GPC5: variants seen among roughly 807,000 people sequenced by gnomAD.
GPC5 encodes glypican-5.
GPC5 carries 47 observed loss-of-function variants against 53.9 expected under a neutral mutation model. The observed-to-expected ratio is 0.87, with a 90% CI of 0.69 to 1.11. GPC5 has a LOEUF of 1.11. Among genes scored for constraint, GPC5 ranks in the 50% most tolerant of loss-of-function variants. GPC5 has a pLI of 0.00. For synonymous variants in GPC5, 286 were observed against 263.3 expected (o/e 1.09, Z -0.84); for missense variants, 748 against 713.1 (o/e 1.05, Z -0.56).
rs139792115 is a variant in GPC5 at position 92,778,227 on chromosome 13, T to TTA, written c.1562-88047_1562-88046dup. ...TCTGAGTGACAACTTTTTAATTATA[T>TTA]TATATATATGTTTTATAAAGAATGC... is the stretch of plus-strand genomic sequence containing the variant. On this transcript the variant is annotated intron_variant, in intron 7 of 7. Coordinates refer to ENST00000377067, the MANE Select transcript of GPC5 (RefSeq NM_004466.6). Among the ~76,000 whole-genome samples, 1,503 of 152,136 alleles carry TTA rather than the reference T, an allele frequency of 9.9e-3. 25 individuals carry two copies. The highest frequency in any genetic ancestry group is 0.035 in the African/African-American group (1,449 of 41,506).
chr13:92,145,059 G>T, intron 7 of GPC5, 70 bp downstream of exon 7: 1 of 1,176,072 alleles, frequency 8.5e-7, no homozygotes, highest in Non-Finnish European at 1.1e-6. Context: ...ATATTGTTAT[G>T]GATGTAAAGA....
chr13:92,084,030 C>T (rs9589422), intron 6 of GPC5, among the ~76,000 whole-genome samples: 8,190 of 152,206 alleles, frequency 0.054, 723 homozygotes, highest in African/African-American at 0.19. Flanking sequence ...GAACAGAAAA[C>T]CAAACACAGC....
rs554311252 is a variant in GPC5, at chr13:92,663,829, C to T, written c.1562-202453C>T. On this transcript the variant is annotated intron_variant, in intron 7 of 7. Coordinates refer to ENST00000377067, the MANE Select transcript of GPC5 (RefSeq NM_004466.6). ...TATATACACACTATATATATATACACACACTATATATATATACACACACAC... is the reference window on the plus strand; with the variant it reads ...TATATACACACTATATATATATACATACACTATATATATATACACACACAC... Among the ~76,000 whole-genome samples the T allele has an allele frequency of 1.2e-4, 16 of 128,690 alleles. No homozygotes were observed. In the East Asian group the frequency reaches 2.9e-3, roughly 23 times the overall value. The allele number at this position is 128,690 out of a possible 152,430, so 84.4% of individuals were successfully genotyped here.
At chr13:92,182,839 A>G (rs1306863890) in intron 7 of GPC5, among the ~76,000 whole-genome samples, 1 of 151,822 alleles carries the variant, frequency 6.6e-6, no homozygotes, top group African/African-American at 2.4e-5. Flanking sequence ...ACTGCACTCC[A>G]GCCTGGGCAA....
chr13:91,719,373 G>GT (rs1393641127), intron 3 of GPC5, among the ~76,000 whole-genome samples: 1 of 152,200 alleles, frequency 6.6e-6, no homozygotes, highest in Non-Finnish European at 1.5e-5. Context: ...TTACTTTCCT[G>GT]TTTATACCAG....
At chr13:92,484,273 A>G (rs1879470714) in intron 7 of GPC5, among the ~76,000 whole-genome samples, 1 of 152,182 alleles carries the variant, frequency 6.6e-6, no homozygotes, top group Non-Finnish European at 1.5e-5. Flanking sequence ...CATGTATGAT[A>G]ACAACGACTC....
intron 7 of GPC5, among the ~76,000 whole-genome samples, chr13:92,317,743 C>G (rs2043189166): frequency 6.6e-6 from 1 of 152,108 alleles, no homozygotes; most frequent in Admixed American, 6.6e-5. Flanking sequence ...CTCAAATGAT[C>G]CACCGCCTCA....
intron 3 of GPC5, among the ~76,000 whole-genome samples, chr13:91,726,229 T>C (rs1456838756): frequency 6.6e-6 from 1 of 152,224 alleles, no homozygotes; most frequent in Non-Finnish European, 1.5e-5. Context: ...CCGGCCCTGT[T>C]GACTTTGCCT....
rs79010411 is a variant in GPC5 at position 91,942,450 on chromosome 13, T to C, written c.1401+34393T>C. Among the ~76,000 whole-genome samples, 674 of 152,210 alleles carry C rather than the reference T, an allele frequency of 4.4e-3. 3 individuals are homozygous for C. The highest frequency in any genetic ancestry group is 6.2e-3 in the Non-Finnish European group (420 of 67,926). On this transcript the variant is annotated intron_variant, in intron 6 of 7. Coordinates refer to ENST00000377067, the MANE Select transcript of GPC5 (RefSeq NM_004466.6). The stretch of plus-strand genomic sequence containing the variant: ...GAACAGGTCTTATATCAAACCTTTC[T>C]GATTAATTCTCCCTTTAGTCTCAAC...
intron 7 of GPC5, among the ~76,000 whole-genome samples, chr13:92,545,254 A>T (rs1366158643): frequency 6.6e-6 from 1 of 151,998 alleles, no homozygotes; most frequent in Non-Finnish European, 1.5e-5. Flanking sequence ...TGAACTCATC[A>T]TTTTTTATTG....
chr13:92,144,706 A>C, intron 6 of GPC5, 124 bp from the exon 7 acceptor site: 1 of 852,014 alleles, frequency 1.2e-6, no homozygotes, highest in Non-Finnish European at 1.8e-6. Flanking sequence ...TAAAGACTTG[A>C]CTTGGTGTCT....
intron 3 of GPC5, among the ~76,000 whole-genome samples, chr13:91,698,140 A>G (rs2035921630): frequency 6.6e-6 from 1 of 152,054 alleles, no homozygotes; most frequent in Admixed American, 6.6e-5. Flanking sequence ...TGACTTCATG[A>G]TCCACCCATC....
chr13:91,449,448 C>A (rs1479110294), intron 2 of GPC5, among the ~76,000 whole-genome samples: 1 of 152,048 alleles, frequency 6.6e-6, no homozygotes, highest in East Asian at 1.9e-4. Context: ...CTGCACCCAT[C>A]AGCCCGTCAT....
Position 91,718,698 on chromosome 13 carries a change from A to G in GPC5, c.1021-9834A>G, listed in dbSNP as rs144325033. On this transcript the variant is annotated intron_variant, in intron 3 of 7. Coordinates refer to ENST00000377067, the MANE Select transcript of GPC5 (RefSeq NM_004466.6). ...TAGCACAGTTTGGAATTCTACCCCCATCTGCATACTCTTGCCCTCAGGGTA... is the reference window on the plus strand; with the variant it reads ...TAGCACAGTTTGGAATTCTACCCCCGTCTGCATACTCTTGCCCTCAGGGTA... 5.4e-3 allele frequency among the ~76,000 whole-genome samples: 815 copies of G among 152,192 alleles called. 1 individual carries two copies. The highest frequency in any genetic ancestry group is 8.5e-3 in the Non-Finnish European group (581 of 68,000).
At chr13:92,070,650 T>C (rs996683136) in intron 6 of GPC5, among the ~76,000 whole-genome samples, 2 of 152,190 alleles carry the variant, frequency 1.3e-5, no homozygotes, top group Non-Finnish European at 2.9e-5. Flanking sequence ...TGAATACATA[T>C]AGAACACACT....
At chr13:92,429,087 TAAAGTC>T (rs1388794502) in intron 7 of GPC5, among the ~76,000 whole-genome samples, 3 of 152,148 alleles carry the variant, frequency 2.0e-5, no homozygotes, top group African/African-American at 4.8e-5. Context: ...TTGAAAAAAT[TAAAGTC>T]AAAGGAGAAT....
chr13:92,783,148 T>C (rs1876092968), intron 7 of GPC5, among the ~76,000 whole-genome samples: 1 of 152,234 alleles, frequency 6.6e-6, no homozygotes, highest in Non-Finnish European at 1.5e-5. Context: ...GCACTGATTG[T>C]CTTTCCTCTT....
chr13:92,762,556 T>G (rs1409685411), intron 7 of GPC5, among the ~76,000 whole-genome samples: 3 of 152,188 alleles, frequency 2.0e-5, no homozygotes. Flanking sequence ...TGTCAGGACC[T>G]CTTCAAGTTG....
At chr13:91,931,895 A>G (rs1432226014) in intron 6 of GPC5, among the ~76,000 whole-genome samples, 1 of 151,980 alleles carries the variant, frequency 6.6e-6, no homozygotes, top group Non-Finnish European at 1.5e-5. Flanking sequence ...AGCATTCATT[A>G]CATCTCTGTT....
Sources: allele counts gnomAD v4.1 joint callset (sites outside exome capture counted in the v4.1 genomes callset), GRCh38; gene constraint gnomAD v4.1.1; transcripts MANE v1.5; gene names NCBI Gene and HGNC (gene_info 2026-07-23, HGNC 2026-07-21).